The following PRKCB variants were observed in gnomAD, a reference collection of about 807,000 sequenced individuals.
PRKCB encodes protein kinase C beta, also known as protein kinase C beta type.
PRKCB carries 13 observed loss-of-function variants against 81.5 expected under a neutral mutation model. That is an observed-to-expected ratio of 0.16 (90% confidence interval 0.10 to 0.25). The LOEUF (loss-of-function observed/expected upper bound fraction) is 0.25. Ranked by LOEUF, PRKCB falls within the 10% of genes least tolerant of loss-of-function variation. The pLI, the probability that PRKCB is intolerant of heterozygous loss-of-function variation, is 1.00. For missense variants in PRKCB, 509 were observed against 875.7 expected (o/e 0.58, Z 5.29); for synonymous variants, 335 against 321.4 (o/e 1.04, Z -0.45).
At chr16:23,847,573 C>T (rs1471576432) in intron 2 of PRKCB, among the ~76,000 whole-genome samples, 1 of 150,118 alleles carries the variant, frequency 6.7e-6, no homozygotes, top group Non-Finnish European at 1.5e-5. Context: ...TCCATCCATC[C>T]ATCCGTCTGG....
chr16:23,866,314 T>C (rs1962789693), intron 2 of PRKCB, among the ~76,000 whole-genome samples: 2 of 152,342 alleles, frequency 1.3e-5, no homozygotes, highest in South Asian at 4.1e-4. Context: ...TGGAGTCAGC[T>C]AGATTTTGTG....
intron 3 of PRKCB, among the ~76,000 whole-genome samples, chr16:24,006,959 T>C (rs769008173): frequency 1.2e-4 from 18 of 152,166 alleles, no homozygotes; most frequent in Non-Finnish European, 1.9e-4. Flanking sequence ...CCTGAAGAGA[T>C]AGAGATCAGG....
chr16:24,192,262 G>C (rs1021580407), intron 16 of PRKCB, among the ~76,000 whole-genome samples: 1 of 152,218 alleles, frequency 6.6e-6, no homozygotes, highest in Non-Finnish European at 1.5e-5. Context: ...TACAGAGGAG[G>C]CACTCACAGA....
At chr16:23,852,273 G>A (rs1287435353) in intron 2 of PRKCB, among the ~76,000 whole-genome samples, 2 of 152,170 alleles carry the variant, frequency 1.3e-5, no homozygotes, top group Non-Finnish European at 2.9e-5. Flanking sequence ...TGTTTATTGT[G>A]TTGAGTGCAT....
intron 2 of PRKCB, among the ~76,000 whole-genome samples, chr16:23,950,430 G>C (rs1964265615): frequency 6.6e-6 from 1 of 152,166 alleles, no homozygotes; most frequent in South Asian, 2.1e-4. Flanking sequence ...CCAGGACTGG[G>C]CCAGCTAAAA....
At chr16:24,109,956 C>T (rs1966650737) in intron 7 of PRKCB, among the ~76,000 whole-genome samples, 1 of 124,950 alleles carries the variant, frequency 8.0e-6, no homozygotes, top group South Asian at 2.4e-4. Context: ...ACCAGTCAGG[C>T]GTGGCGGCAC....
At chr16:23,836,423 C>G (rs985332570) in intron 1 of PRKCB, 75 bp downstream of exon 1, 3 of 1,442,280 alleles carry the variant, frequency 2.1e-6, no homozygotes, top group Non-Finnish European at 2.7e-6. Flanking sequence ...TCTCCGCGCC[C>G]TCTGCGCCCT....
At chr16:24,108,152 ATTTG>A (rs1200381189) in intron 7 of PRKCB, among the ~76,000 whole-genome samples, 3 of 146,422 alleles carry the variant, frequency 2.0e-5, no homozygotes, top group Non-Finnish European at 3.0e-5. Context: ...CTTGATTTCC[ATTTG>A]TTTATTTTTT....
rs1965712772 is a variant in PRKCB, at chr16:24,042,496, T to G, written c.529+6949T>G. On this transcript the variant is annotated intron_variant, in intron 5 of 16. Coordinates refer to ENST00000643927, the MANE Select transcript of PRKCB (RefSeq NM_002738.7). ...AAAGAATTTTACAGCAAACACTCATTTATCCACCACCTATATTCTGTCGTT... is the reference window on the plus strand; with the variant it reads ...AAAGAATTTTACAGCAAACACTCATGTATCCACCACCTATATTCTGTCGTT... 1.3e-5 allele frequency among the ~76,000 whole-genome samples: 2 copies of G among 152,196 alleles called. 1 individual carries two copies. Among genetic ancestry groups the G allele is most frequent in the South Asian group, 4.1e-4 (2 of 4,826 alleles).
At chr16:23,952,874 G>T (rs999804116) in intron 2 of PRKCB, among the ~76,000 whole-genome samples, 8 of 152,178 alleles carry the variant, frequency 5.3e-5, no homozygotes, top group African/African-American at 1.9e-4. Context: ...CAGGAGCTAT[G>T]GGAGTGTTTG....
intron 8 of PRKCB, among the ~76,000 whole-genome samples, chr16:24,122,674 G>A (rs1489642491): frequency 6.6e-6 from 1 of 152,080 alleles, no homozygotes; most frequent in African/African-American, 2.4e-5. Context: ...TGCCCAGGCT[G>A]TTCTCAAACT....
intron 2 of PRKCB, among the ~76,000 whole-genome samples, chr16:23,840,951 T>C (rs75102184): frequency 6.6e-5 from 10 of 152,336 alleles, no homozygotes; most frequent in African/African-American, 2.4e-4. Context: ...TTTAAGAATG[T>C]GTTTGATGAC....
At chr16:24,009,714 A>C (rs1567342901) in intron 3 of PRKCB, among the ~76,000 whole-genome samples, 1 of 152,052 alleles carries the variant, frequency 6.6e-6, no homozygotes, top group Middle Eastern at 3.2e-3. Flanking sequence ...GCTTTTGAGC[A>C]CTTAAAAAAC....
intron 10 of PRKCB, among the ~76,000 whole-genome samples, chr16:24,168,541 CTTTTTTTT>C (rs56671761): frequency 1.2e-4 from 9 of 76,394 alleles, no homozygotes; most frequent in African/African-American, 1.5e-4. Flanking sequence ...TCTTCTTCTA[CTTTTTTTT>C]TTTTTTTTTT....
intron 16 of PRKCB, among the ~76,000 whole-genome samples, chr16:24,204,396 C>G (rs1434178322): frequency 6.6e-6 from 1 of 152,200 alleles, no homozygotes; most frequent in East Asian, 1.9e-4. Flanking sequence ...CTTGGCTCTC[C>G]TACTTGACCC....
intron 2 of PRKCB, among the ~76,000 whole-genome samples, chr16:23,940,704 A>G (rs1052414439): frequency 1.3e-5 from 2 of 152,146 alleles, no homozygotes; most frequent in Admixed American, 6.6e-5. Context: ...TATGAACAAC[A>G]TGCAAGTTAG....
At chr16:23,985,842 A>G (rs978311749) in intron 2 of PRKCB, among the ~76,000 whole-genome samples, 9 of 152,188 alleles carry the variant, frequency 5.9e-5, no homozygotes, top group African/African-American at 2.2e-4. Flanking sequence ...TACTATAATT[A>G]AAGCCCATAT....
chr16:23,986,594 A>T (rs563315019), intron 2 of PRKCB, among the ~76,000 whole-genome samples: 2 of 152,270 alleles, frequency 1.3e-5, no homozygotes, highest in East Asian at 3.9e-4. Flanking sequence ...ACGTATATTT[A>T]AACTTATAAT....
chr16:23,875,037 CTTTTT>C (rs10568541), intron 2 of PRKCB, among the ~76,000 whole-genome samples: 1 of 117,406 alleles, frequency 8.5e-6, no homozygotes. Flanking sequence ...TCTCTATGTC[CTTTTT>C]TTTTTTTTTT....
Sources: allele counts gnomAD v4.1 joint callset (sites outside exome capture counted in the v4.1 genomes callset), GRCh38; gene constraint gnomAD v4.1.1; transcripts MANE v1.5; gene names NCBI Gene and HGNC (gene_info 2026-07-23, HGNC 2026-07-21).